FAT1: variants seen among roughly 807,000 people sequenced by gnomAD.
FAT1 encodes the protein FAT atypical cadherin 1.
FAT1 carries 171 observed loss-of-function variants against 329.8 expected under a neutral mutation model. That is an observed-to-expected ratio of 0.52 (90% CI 0.46 to 0.59). FAT1 has a LOEUF of 0.59. Among genes scored for constraint, FAT1 ranks in the 20% least tolerant of loss-of-function variants. FAT1 has a pLI of 0.00. For synonymous variants in FAT1, 2,233 were observed against 2,228.6 expected (o/e 1.00, Z -0.06); for missense variants, 5,672 against 5,774.4 (o/e 0.98, Z 0.57).
intron 2 of FAT1, among the ~76,000 whole-genome samples, chr4:186,703,879 A>G (rs1305386115): frequency 6.6e-6 from 1 of 152,236 alleles, no homozygotes; most frequent in East Asian, 1.9e-4. Context: ...CAAGTGAATA[A>G]TTAGCATGCC....
rs3733414 is a variant in FAT1, at chr4:186,708,616, A to C, written c.1212T>G (p.Ser404Arg). 972,767 of 1,613,644 alleles carry C rather than the reference A, an allele frequency of 0.6. 303,297 individuals are homozygous for C. The highest frequency in any genetic ancestry group is 0.65 in the Non-Finnish European group (764,355 of 1,179,794). Reference protein sequence around the residue: ...AYSHLRYVFKSTPGKAKFSLN... With the variant: ...AYSHLRYVFKRTPGKAKFSLN... Reference sequence around the variant, plus strand: ...AACTGAATTTAGCTTTTCCAGGTGTACTTTTAAAAACATACCTCAAATGGG... The same window carrying C: ...AACTGAATTTAGCTTTTCCAGGTGTCCTTTTAAAAACATACCTCAAATGGG... The change falls in exon 2 of 27, where the codon AGT becomes AGG. Residue 404 changes from serine to arginine, a missense_variant. Physicochemically the swap from Ser to Arg is moderately radical, Grantham distance 110 (BLOSUM62 -1). Around this residue, in one of 2 missense-constraint regions of FAT1, gnomAD observed 3,966 missense variants for 3,915.2 expected, o/e 1.01. Transcript: ENST00000441802.
At chr4:186,687,958 T>C (rs897165157) in intron 2 of FAT1, among the ~76,000 whole-genome samples, 12 of 152,114 alleles carry the variant, frequency 7.9e-5, no homozygotes, top group African/African-American at 2.7e-4. Flanking sequence ...GGGTTCTAGG[T>C]AGTAAAATTT....
intron 7 of FAT1, 137 bp downstream of exon 7, chr4:186,633,547 T>G (rs1740686816): frequency 1.3e-6 from 1 of 781,720 alleles, no homozygotes; most frequent in African/African-American, 1.7e-5. Flanking sequence ...ATAAAAATTC[T>G]TAGTGTGCAT....
chr4:186,673,465 G>T lies in FAT1; in HGVS notation c.3266-9852C>A, dbSNP rs575024855. Among the ~76,000 whole-genome samples the T allele has an allele frequency of 3.7e-4, 56 of 152,278 alleles. 1 individual carries two copies. In the South Asian group the frequency reaches 0.011, roughly 30 times the overall value. ...CGATAACTAACACTGAAGTATTTAT[G>T]TAGGTAACTACTTACACAAAGCTTT... On this transcript the variant is annotated intron_variant, in intron 2 of 26. Transcript: ENST00000441802.
chr4:186,712,705 C>A (rs1384513158), intron 1 of FAT1, among the ~76,000 whole-genome samples: 1 of 152,182 alleles, frequency 6.6e-6, no homozygotes, highest in African/African-American at 2.4e-5. Flanking sequence ...ACATGCTGGG[C>A]AACTCTTAGA....
intron 1 of FAT1, among the ~76,000 whole-genome samples, chr4:186,714,228 G>A (rs936232126): frequency 1.3e-5 from 2 of 151,668 alleles, no homozygotes; most frequent in Non-Finnish European, 2.9e-5. Context: ...GGCACAACGG[G>A]GGTGGGGGGC....
At chr4:186,665,773 C>G (rs1418332587) in intron 2 of FAT1, among the ~76,000 whole-genome samples, 1 of 151,990 alleles carries the variant, frequency 6.6e-6, no homozygotes, top group African/African-American at 2.4e-5. Context: ...ATAGCAAAGA[C>G]TTGGAACCAA....
intron 16 of FAT1, 71 bp downstream of exon 16, chr4:186,609,112 A>G: frequency 6.4e-7 from 1 of 1,557,068 alleles, no homozygotes; most frequent in Non-Finnish European, 8.7e-7. Context: ...CCCAGCAGAC[A>G]AGAGCACAAG....
chr4:186,705,530 G>C (rs1474236297), intron 2 of FAT1, among the ~76,000 whole-genome samples: 1 of 152,176 alleles, frequency 6.6e-6, no homozygotes, highest in African/African-American at 2.4e-5. Flanking sequence ...TCAGAGGGCA[G>C]GACATGAAAA....
rs1270281747 is a variant in FAT1, at chr4:186,589,054, A to C, written c.13305T>G (p.Phe4435Leu). 1.2e-6 allele frequency: 2 copies of C among 1,613,776 alleles called. No individual in the cohort carries two copies. The highest frequency in any genetic ancestry group is 1.3e-5 in the African/African-American group (1 of 74,876). Residue 4435 changes from phenylalanine to leucine, a missense_variant, in exon 27 of 27, where the codon TTT becomes TTG. Phe to Leu is a conservative substitution (Grantham distance 22). This residue lies in a region of FAT1 where 1,706 missense variants were observed against 1,859.1 expected (regional missense o/e 0.92). Transcript: ENST00000441802. ...CGGGGAAGTCTTCTGGGGGTGGAGG[A>C]AAATCACTTTCGATGTCGTAGCCTC... is the stretch of plus-strand genomic sequence containing the variant. ...YPGGYDIESD[F>L]PPPPEDFPAA...
rs1158066949 is a variant in FAT1 at position 186,618,994 on chromosome 4, A to C, written c.7592T>G (p.Ile2531Ser). 6.2e-7 allele frequency: 1 copy of C among 1,614,004 alleles called. No individual in the cohort carries two copies. The highest frequency in any genetic ancestry group is 8.5e-7 in the Non-Finnish European group (1 of 1,179,896). ...SGIYGHVTYH[I>S]VNDFAKDRFY... ...TCTGTCTTTGGCAAAGTCATTTACAATATGGTAAGTAACGTGACCATAAAT... is the reference window on the plus strand; with the variant it reads ...TCTGTCTTTGGCAAAGTCATTTACACTATGGTAAGTAACGTGACCATAAAT... Residue 2531 changes from isoleucine to serine, a missense_variant, in exon 10 of 27, where the codon ATT (isoleucine) becomes AGT (serine). This residue lies in a region of FAT1 where 3,966 missense variants were observed against 3,915.2 expected (regional missense o/e 1.01). Transcript: ENST00000441802.
At chr4:186,662,937 C>G (rs1159610171) in intron 3 of FAT1, among the ~76,000 whole-genome samples, 1 of 151,926 alleles carries the variant, frequency 6.6e-6, no homozygotes, top group Non-Finnish European at 1.5e-5. Context: ...CCCGGGTTCA[C>G]GCCATTCTCC....
intron 1 of FAT1, among the ~76,000 whole-genome samples, chr4:186,717,978 T>A (rs1350134276): frequency 6.6e-6 from 1 of 152,186 alleles, no homozygotes; most frequent in Non-Finnish European, 1.5e-5. Context: ...CAAACAGAAG[T>A]AATTTAAATG....
intron 6 of FAT1, among the ~76,000 whole-genome samples, chr4:186,634,231 A>G (rs1740721324): frequency 6.6e-6 from 1 of 152,216 alleles, no homozygotes; most frequent in Admixed American, 6.5e-5. Context: ...CTAATAAAAT[A>G]GCTATTAAAA....
chr4:186,687,456 T>C (rs1395537249), intron 2 of FAT1, among the ~76,000 whole-genome samples: 1 of 152,212 alleles, frequency 6.6e-6, no homozygotes. Flanking sequence ...TTTCACTTCC[T>C]GTTATTTACG....
rs1406435424 is a variant in FAT1, at chr4:186,706,841, AC to A, written c.2986del (p.Val996CysfsTer6). On this transcript the variant is annotated frameshift_variant, in exon 2 of 27. Coordinates refer to ENST00000441802, the MANE Select transcript of FAT1 (RefSeq NM_005245.4). LOFTEE classifies it high-confidence loss of function. ...TTTGGCCCTCACAGTGAGATTATAC[AC>A]TTGCTTCTTCTCAAAGTCCAACTGC... Reference protein sequence around the residue: ...VQQLDFEKKQVYNLTVRAKDK... With the variant: ...VQQLDFEKKQXYNLTVRAKDK... 6.2e-7 allele frequency: 1 copy of A among 1,613,666 alleles called. No individual in the cohort carries two copies. Among genetic ancestry groups the A allele is most frequent in the Non-Finnish European group, 8.5e-7 (1 of 1,179,840 alleles).
rs1739830707 is a variant in FAT1 at position 186,618,380 on chromosome 4, T to C, written c.8206A>G (p.Ser2736Gly). The change falls in exon 10 of 27, where the codon AGC becomes GGC. Residue 2736 changes from serine (S) to glycine (G), a missense_variant. Physicochemically the swap from Ser to Gly is moderately conservative, Grantham distance 56. Coordinates refer to ENST00000441802, the MANE Select transcript of FAT1 (RefSeq NM_005245.4). ...RAEHSGTVLY[S>G]LVKGNTPESN... ...TCTGGAGTATTCCCTTTGACCAGGC[T>C]GTAAAGAACAGTCCCACTATGTTCT... is the stretch of plus-strand genomic sequence containing the variant. 4 of 1,614,058 alleles carry C rather than the reference T, an allele frequency of 2.5e-6. No individual in the cohort carries two copies. Among genetic ancestry groups the C allele is most frequent in the Non-Finnish European group, 3.4e-6 (4 of 1,179,908 alleles).
At chr4:186,685,579 T>C (rs1283620681) in intron 2 of FAT1, among the ~76,000 whole-genome samples, 4 of 152,248 alleles carry the variant, frequency 2.6e-5, no homozygotes, top group African/African-American at 9.6e-5. Context: ...TGACTGCATC[T>C]CAGAGGTTCC....
At chr4:186,667,623 G>A (rs536391813) in intron 2 of FAT1, among the ~76,000 whole-genome samples, 69 of 152,214 alleles carry the variant, frequency 4.5e-4, no homozygotes, top group East Asian at 9.6e-4. Flanking sequence ...GGGAGAGGAG[G>A]GCACACCGAA....
Sources: allele counts gnomAD v4.1 joint callset (sites outside exome capture counted in the v4.1 genomes callset), GRCh38; gene constraint gnomAD v4.1.1; regional missense constraint gnomAD v4.1.1; transcripts MANE v1.5; gene names NCBI Gene and HGNC (gene_info 2026-07-23, HGNC 2026-07-21).